ZZZ3: variants seen among roughly 807,000 people sequenced by gnomAD.
The protein encoded by ZZZ3 is ZZ-type zinc finger-containing protein 3.
Under a neutral mutation model 95.2 loss-of-function variants are expected in ZZZ3, and 22 were observed. The observed-to-expected ratio is 0.23, with a 90% CI of 0.17 to 0.33. ZZZ3 has a LOEUF of 0.33. Ranked by LOEUF, ZZZ3 falls within the 10% of genes least tolerant of loss-of-function variation. ZZZ3 has a pLI of 1.00. For missense variants in ZZZ3, 885 were observed against 1,066.5 expected, an observed-to-expected ratio of 0.83 and a Z score of 2.37; for synonymous variants, 335 against 358.9, an observed-to-expected ratio of 0.93 and a Z score of 0.75.
chr1:77,616,991 T>C (rs1285888219), intron 5 of ZZZ3, among the ~76,000 whole-genome samples: 1 of 152,234 alleles, frequency 6.6e-6, no homozygotes, highest in African/African-American at 2.4e-5. Flanking sequence ...ATATATGTTA[T>C]AATGTATTTC....
At chr1:77,628,001 C>T (rs539828032) in intron 5 of ZZZ3, among the ~76,000 whole-genome samples, 2 of 152,300 alleles carry the variant, frequency 1.3e-5, no homozygotes, top group Admixed American at 1.3e-4. Context: ...CCAGTGATTA[C>T]GTTTTGAATT....
At chr1:77,573,058 A>C (rs1433323157) in intron 12 of ZZZ3, among the ~76,000 whole-genome samples, 1 of 151,920 alleles carries the variant, frequency 6.6e-6, no homozygotes, top group Non-Finnish European at 1.5e-5. Flanking sequence ...TGAAACTCTC[A>C]ATCTAAATTA....
chr1:77,669,961 T>C (rs977310377), intron 1 of ZZZ3, among the ~76,000 whole-genome samples: 1 of 151,928 alleles, frequency 6.6e-6, no homozygotes, highest in African/African-American at 2.4e-5. Flanking sequence ...ATTGAGGTAA[T>C]AGTTGCATGG....
chr1:77,587,431 A>AT (rs1430557846), intron 5 of ZZZ3, among the ~76,000 whole-genome samples: 1 of 151,678 alleles, frequency 6.6e-6, no homozygotes, highest in African/African-American at 2.4e-5. Context: ...CATCCGGCTA[A>AT]TTTTTTGTAT....
chr1:77,572,806 ATTTTTTC>A (rs1661533266), intron 12 of ZZZ3, among the ~76,000 whole-genome samples: 1 of 149,074 alleles, frequency 6.7e-6, no homozygotes, highest in Non-Finnish European at 1.5e-5. Context: ...CAGGCTGATA[ATTTTTTC>A]TTTTTTCTTT....
intron 6 of ZZZ3, among the ~76,000 whole-genome samples, chr1:77,583,780 A>G (rs1662775107): frequency 6.6e-6 from 1 of 152,176 alleles, no homozygotes; most frequent in East Asian, 1.9e-4. Flanking sequence ...ATCTTTTCAT[A>G]CAATGCTGAT....
intron 12 of ZZZ3, among the ~76,000 whole-genome samples, chr1:77,575,230 A>AC (rs1661810809): frequency 6.6e-6 from 1 of 152,048 alleles, no homozygotes; most frequent in South Asian, 2.1e-4. Context: ...CAATTATCCC[A>AC]CCTTTTCTAT....
At chr1:77,674,127 A>G (rs6659285) in intron 1 of ZZZ3, among the ~76,000 whole-genome samples, 6,259 of 152,220 alleles carry the variant, frequency 0.041, 158 homozygotes, top group Middle Eastern at 0.078. Flanking sequence ...ACACAAAAAA[A>G]GGTCTACCAC....
intron 5 of ZZZ3, chr1:77,615,033 G>C (rs1666174023): frequency 1.3e-5 from 2 of 152,328 alleles, no homozygotes; most frequent in African/African-American, 4.8e-5. Context: ...GGCAGCAAGA[G>C]TGGAGGAATC....
chr1:77,576,621 A>T (rs1003395859), intron 11 of ZZZ3, among the ~76,000 whole-genome samples: 1 of 152,222 alleles, frequency 6.6e-6, no homozygotes, highest in Admixed American at 6.5e-5. Flanking sequence ...GAAAATTTCT[A>T]TAACATTATG....
intron 1 of ZZZ3, among the ~76,000 whole-genome samples, chr1:77,664,917 A>C (rs1671122571): frequency 6.6e-6 from 1 of 152,196 alleles, no homozygotes; most frequent in Non-Finnish European, 1.5e-5. Context: ...AACAATCTCC[A>C]AAACTACTGG....
chr1:77,588,008 A>G (rs1663277787), intron 5 of ZZZ3, among the ~76,000 whole-genome samples: 1 of 152,224 alleles, frequency 6.6e-6, no homozygotes, highest in Non-Finnish European at 1.5e-5. Flanking sequence ...CATGTAACAG[A>G]CAACATTTGT....
chr1:77,587,315 TGG>T lies in ZZZ3; in HGVS notation c.1506-2662_1506-2661del, dbSNP rs1663188455. Among the ~76,000 whole-genome samples, 3 of 132,096 alleles carry T rather than the reference TGG, an allele frequency of 2.3e-5. No homozygotes were observed. In the South Asian group the frequency reaches 7.3e-4, roughly 32 times the overall value. The allele number at this position is 132,096 out of a possible 152,430, so 86.7% of individuals were successfully genotyped here. A position where few individuals can be genotyped will look rare whatever the true frequency, so the allele number is the denominator to read the frequency against. ...TCTCGCTCTGTTGCCCAGACTGGAG[TGG>T]GCAGTGGTGTGATCTCGGCTCCCTG... On this transcript the variant is annotated intron_variant, in intron 5 of 14. Transcript: ENST00000370801.
chr1:77,679,741 G>A (rs181575164), intron 1 of ZZZ3, among the ~76,000 whole-genome samples: 4 of 152,220 alleles, frequency 2.6e-5, no homozygotes, highest in Admixed American at 6.5e-5. Flanking sequence ...TTATATGACC[G>A]TAATAATTGA....
chr1:77,597,640 G>A (rs529113486), intron 5 of ZZZ3, among the ~76,000 whole-genome samples: 24 of 152,092 alleles, frequency 1.6e-4, no homozygotes, highest in African/African-American at 5.5e-4. Context: ...CATAACCCCA[G>A]TCTAATCATG....
intron 1 of ZZZ3, among the ~76,000 whole-genome samples, chr1:77,661,135 G>A (rs567516306): frequency 6.6e-6 from 1 of 152,100 alleles, no homozygotes; most frequent in Non-Finnish European, 1.5e-5. Flanking sequence ...TGGTACAGAG[G>A]CCAGGCGCAG....
At chr1:77,604,412 A>G (rs1190568658) in intron 5 of ZZZ3, among the ~76,000 whole-genome samples, 1 of 152,244 alleles carries the variant, frequency 6.6e-6, no homozygotes, top group Non-Finnish European at 1.5e-5. Flanking sequence ...AAAGAATGAA[A>G]TAACTCTAAA....
intron 6 of ZZZ3, among the ~76,000 whole-genome samples, chr1:77,582,972 C>G (rs537665310): frequency 1.3e-5 from 2 of 151,954 alleles, no homozygotes; most frequent in African/African-American, 4.8e-5. Context: ...AGGTGTAGTA[C>G]AGTGCATTTG....
intron 5 of ZZZ3, among the ~76,000 whole-genome samples, chr1:77,624,983 TGA>T (rs1299258777): frequency 2.6e-5 from 4 of 152,160 alleles, no homozygotes; most frequent in African/African-American, 9.6e-5. Context: ...ACAGAAGTGT[TGA>T]GTGTGAGTAG....
Sources: allele counts gnomAD v4.1 joint callset (sites outside exome capture counted in the v4.1 genomes callset), GRCh38; gene constraint gnomAD v4.1.1; transcripts MANE v1.5; gene names NCBI Gene and HGNC (gene_info 2026-07-23, HGNC 2026-07-21).